Variants in MAPRE2 observed in about 807,000 individuals in gnomAD.
MAPRE2 encodes microtubule associated protein RP/EB family member 2.
A neutral mutation model predicts 43.2 loss-of-function variants in MAPRE2; 13 were observed. The ratio of observed to expected loss-of-function variants is 0.30; its 90% CI spans 0.20 to 0.48. The LOEUF (loss-of-function observed/expected upper bound fraction) is 0.48. MAPRE2 is among the 20% of genes least tolerant of loss of function. The pLI, the probability that MAPRE2 is intolerant of heterozygous loss-of-function variation, is 0.99. For missense variants in MAPRE2, 161 were observed against 400.2 expected (o/e 0.40, Z 5.10); for synonymous variants, 135 against 148.8 (o/e 0.91, Z 0.68).
intron 2 of MAPRE2, among the ~76,000 whole-genome samples, chr18:35,070,821 T>C (rs1907080388): frequency 6.6e-6 from 1 of 152,222 alleles, no homozygotes; most frequent in African/African-American, 2.4e-5. Flanking sequence ...CTAAAGACTC[T>C]TTCCCTTTTG....
chr18:35,143,308 T>C lies in MAPRE2; in HGVS notation c.*2939T>C, dbSNP rs1325383286. On this transcript the variant is annotated 3_prime_UTR_variant, in exon 7 of 7. Coordinates refer to ENST00000300249, the MANE Select transcript of MAPRE2 (RefSeq NM_014268.4). ...GTTAATTATAAATATAGATAAGTAATGACATAATAGATGAAAAAGTCTTAT... is the reference window on the plus strand; with the variant it reads ...GTTAATTATAAATATAGATAAGTAACGACATAATAGATGAAAAAGTCTTAT... The C allele has an allele frequency of 6.6e-6, 1 of 152,120 alleles. No individual in the cohort carries two copies. The highest frequency in any genetic ancestry group is 1.5e-5 in the Non-Finnish European group (1 of 68,014). The allele number at this position is 152,120 out of a possible 1,614,324, so 9.4% of individuals were successfully genotyped here. A position where few individuals can be genotyped will look rare whatever the true frequency, so the allele number is the denominator to read the frequency against.
At chr18:35,064,197 CA>C (rs11311209) in intron 1 of MAPRE2, among the ~76,000 whole-genome samples, 49,069 of 139,090 alleles carry the variant, frequency 0.35, 10,898 homozygotes, top group African/African-American at 0.63. Flanking sequence ...AGCCTCATTT[CA>C]AAAAAAAAAA....
intron 2 of MAPRE2, among the ~76,000 whole-genome samples, chr18:35,030,827 G>C (rs545207839): frequency 6.6e-6 from 1 of 152,120 alleles, no homozygotes; most frequent in African/African-American, 2.4e-5. Context: ...CCCACAATAC[G>C]CACACATTCA....
intron 1 of MAPRE2, among the ~76,000 whole-genome samples, chr18:34,991,788 G>T (rs944792562): frequency 6.6e-6 from 1 of 152,172 alleles, no homozygotes; most frequent in East Asian, 1.9e-4. Context: ...AGTATAACTT[G>T]TTGAGCAATC....
At chr18:35,057,566 T>C (rs1906304698) in intron 1 of MAPRE2, among the ~76,000 whole-genome samples, 1 of 150,624 alleles carries the variant, frequency 6.6e-6, no homozygotes, top group Non-Finnish European at 1.5e-5. Flanking sequence ...TAGGTACTTC[T>C]AATGCAAAAG....
chr18:35,107,967 C>T (rs191398200), intron 4 of MAPRE2, among the ~76,000 whole-genome samples: 4 of 151,230 alleles, frequency 2.6e-5, no homozygotes, highest in Admixed American at 1.3e-4. Context: ...TATGTATTTA[C>T]GAGTGTTAAG....
Position 35,041,592 on chromosome 18 carries a change from T to C in MAPRE2, c.53T>C (p.Ile18Thr), listed in dbSNP as rs1568980597. Residue 18 changes from isoleucine (I) to threonine (T), a missense_variant, in exon 1 of 7, where the codon ATC becomes ACC. Ile to Thr is a moderately conservative substitution (Grantham distance 89). Transcript: ENST00000300249. ...LSPNGENNND[I>T]IQDNNGTIIP... ...CCAAATGGCGAGAACAACAACGACATCATCCAGGATAATAACGGGACCATC... is the reference window on the plus strand; with the variant it reads ...CCAAATGGCGAGAACAACAACGACACCATCCAGGATAATAACGGGACCATC... The C allele has an allele frequency of 6.2e-7, 1 of 1,614,106 alleles. No individual in the cohort carries two copies. The highest frequency in any genetic ancestry group is 8.5e-7 in the Non-Finnish European group (1 of 1,180,014).
intron 2 of MAPRE2, among the ~76,000 whole-genome samples, chr18:35,016,261 T>A (rs1206152857): frequency 6.6e-6 from 1 of 152,032 alleles, no homozygotes; most frequent in African/African-American, 2.4e-5. Flanking sequence ...GCAGTGAAAG[T>A]GCAAGTGTAT....
chr18:35,103,206 T>A (rs1000727271), intron 4 of MAPRE2, among the ~76,000 whole-genome samples: 5 of 152,204 alleles, frequency 3.3e-5, no homozygotes, highest in African/African-American at 1.2e-4. Context: ...TGAATACTCA[T>A]ACTCACTAGT....
chr18:34,977,719 G>T (rs1169011531), intron 1 of MAPRE2, among the ~76,000 whole-genome samples: 1 of 152,228 alleles, frequency 6.6e-6, no homozygotes. Flanking sequence ...AAGGAAGCGG[G>T]TTGTTATTCT....
In MAPRE2 at chr18:35,123,051, G is replaced by A. The variant is rs372622893; in HGVS notation, c.611-3897G>A. 2.0e-4 allele frequency among the ~76,000 whole-genome samples: 30 copies of A among 152,350 alleles called. No homozygotes were observed. The South Asian group carries it at 3.9e-3, about 20-fold the overall frequency. The stretch of plus-strand genomic sequence containing the variant: ...CTCCCTGCCGTGAGCCATGCTGAGC[G>A]CCTCCAGCGGCCGGGGATTCTCCCT... On this transcript the variant is annotated intron_variant, in intron 4 of 6. Coordinates refer to ENST00000300249, the MANE Select transcript of MAPRE2 (RefSeq NM_014268.4).
At chr18:35,013,214 T>C (rs2097035908) in intron 2 of MAPRE2, among the ~76,000 whole-genome samples, 1 of 152,078 alleles carries the variant, frequency 6.6e-6, no homozygotes, top group Non-Finnish European at 1.5e-5. Context: ...AGGGCAGGTT[T>C]AGATAACCCT....
At chr18:35,098,274 A>G (rs537156531) in intron 3 of MAPRE2, among the ~76,000 whole-genome samples, 1 of 152,324 alleles carries the variant, frequency 6.6e-6, no homozygotes, top group East Asian at 1.9e-4. Flanking sequence ...TATTTAGGAT[A>G]TATCTCTTAG....
At chr18:35,065,374 A>G (rs535671024) in intron 1 of MAPRE2, among the ~76,000 whole-genome samples, 1 of 152,102 alleles carries the variant, frequency 6.6e-6, no homozygotes, top group South Asian at 2.1e-4. Flanking sequence ...GTGTGTAACT[A>G]TATTGTGATT....
chr18:35,100,968 G>C (rs1051091134), intron 3 of MAPRE2, among the ~76,000 whole-genome samples: 5 of 152,198 alleles, frequency 3.3e-5, no homozygotes, highest in African/African-American at 1.2e-4. Context: ...GAACCCAGGA[G>C]GCGGAGGTTG....
chr18:35,099,918 A>G (rs2060434418), intron 3 of MAPRE2, among the ~76,000 whole-genome samples: 1 of 152,198 alleles, frequency 6.6e-6, no homozygotes. Context: ...CCAAATTTTC[A>G]TTGATATGTA....
Position 35,133,889 on chromosome 18 carries a change from T to C in MAPRE2, c.909+1699T>C, listed in dbSNP as rs147465037. On this transcript the variant is annotated intron_variant, in intron 6 of 6. Coordinates refer to ENST00000300249, the MANE Select transcript of MAPRE2 (RefSeq NM_014268.4). ...CTCAGTTTCTGTTCTGCCATACCCA[T>C]CACCACCCGACCCCACACACACATA... Among the ~76,000 whole-genome samples the C allele has an allele frequency of 1.2e-3, 187 of 152,116 alleles. 2 individuals carry two copies. The East Asian group carries it at 0.016, about 13-fold the overall frequency.
chr18:35,107,152 T>G (rs1330991283), intron 4 of MAPRE2, among the ~76,000 whole-genome samples: 1 of 152,222 alleles, frequency 6.6e-6, no homozygotes, highest in African/African-American at 2.4e-5. Flanking sequence ...TTGAGCTTTC[T>G]GCTTTCCTTA....
chr18:35,106,897 T>C (rs1297860454), intron 4 of MAPRE2, among the ~76,000 whole-genome samples: 1 of 152,188 alleles, frequency 6.6e-6, no homozygotes, highest in Non-Finnish European at 1.5e-5. Context: ...ACATGCATCA[T>C]TGTGAATCAT....
Sources: gnomAD v4.1 joint callset for allele counts (sites outside exome capture counted in the v4.1 genomes callset) on GRCh38, gnomAD v4.1.1 for gene constraint, MANE v1.5 for transcripts, NCBI Gene and HGNC (gene_info 2026-07-23, HGNC 2026-07-21) for gene names.